Variants in DLEU7 observed in about 807,000 individuals in gnomAD.
DLEU7 encodes leukemia-associated protein 7.
Under a neutral mutation model 16.0 loss-of-function variants are expected in DLEU7, and 17 were observed. The ratio of observed to expected loss-of-function variants is 1.06; its 90% CI spans 0.73 to 1.59. DLEU7 has a LOEUF of 1.59. Among genes scored for constraint, DLEU7 ranks in the 40% most tolerant of loss-of-function variants. The probability of loss-of-function intolerance (pLI) is 0.00; values close to 1 mark genes in which losing one functional copy is unlikely to be tolerated. For missense variants in DLEU7, 308 were observed against 314.9 expected, an observed-to-expected ratio of 0.98 and a Z score of 0.17; for synonymous variants, 113 against 139.8, an observed-to-expected ratio of 0.81 and a Z score of 1.35.
intron 1 of DLEU7, among the ~76,000 whole-genome samples, chr13:50,733,315 G>T (rs993890391): frequency 6.6e-6 from 1 of 152,092 alleles, no homozygotes; most frequent in African/African-American, 2.4e-5. Context: ...TTAGATTATT[G>T]CACACAAACC....
rs1877766764 is a variant in DLEU7, at chr13:50,843,620, G to A, written c.27C>T (p.Ala9=). MASPAPLV[A]SISHQMVALQ... is the part of the protein sequence containing the mutation. ...GAGCCACCATTTGGTGGCTGATGGA[G>A]GCCACTAAGGGCGCAGGGCTGGCCA... The change falls in exon 1 of 2, where the codon GCC becomes GCT. Residue 9 remains alanine (A), a synonymous_variant. Transcript: ENST00000504404. This position sits in a 1 kb window ranked among gnomAD's most constrained non-coding sequence, Gnocchi z 5.7. 1.3e-6 allele frequency: 2 copies of A among 1,511,204 alleles called. No homozygotes were observed. The highest frequency in any genetic ancestry group is 1.8e-6 in the Non-Finnish European group (2 of 1,135,958). 93.6% of individuals were successfully genotyped at this position (1,511,204 alleles called of 1,614,324 possible).
At chr13:50,784,939 G>A (rs2137768493) in intron 1 of DLEU7, among the ~76,000 whole-genome samples, 1 of 152,212 alleles carries the variant, frequency 6.6e-6, no homozygotes, top group South Asian at 2.1e-4. Context: ...AGAGAGTCTG[G>A]GGACTTCTTG....
intron 1 of DLEU7, among the ~76,000 whole-genome samples, chr13:50,782,074 CTT>C (rs1593393777): frequency 6.6e-6 from 1 of 152,182 alleles, no homozygotes; most frequent in African/African-American, 2.4e-5. Context: ...CCCCAAAAAA[CTT>C]GGCTCAAATG....
chr13:50,839,231 A>G (rs1339917074), intron 1 of DLEU7, among the ~76,000 whole-genome samples: 1 of 152,254 alleles, frequency 6.6e-6, no homozygotes, highest in Non-Finnish European at 1.5e-5. Context: ...TCTTAGCTGC[A>G]GGGTCTTGAG....
At chr13:50,818,747 T>C (rs1194402696), downstream of DLEU7, among the ~76,000 whole-genome samples, 2 of 152,182 alleles carry the variant, frequency 1.3e-5, no homozygotes, top group Non-Finnish European at 2.9e-5. Flanking sequence ...GAGAATTTGC[T>C]TCTGGCCTCT....
At chr13:50,727,211 A>G (rs1011976471) in intron 1 of DLEU7, among the ~76,000 whole-genome samples, 6 of 138,918 alleles carry the variant, frequency 4.3e-5, no homozygotes, top group African/African-American at 9.0e-5. Flanking sequence ...ACGCTCTTGC[A>G]TACGTGTGTG....
At chr13:50,724,068 G>T (rs904085231) in intron 1 of DLEU7, among the ~76,000 whole-genome samples, 15 of 151,970 alleles carry the variant, frequency 9.9e-5, no homozygotes, top group African/African-American at 3.4e-4. Flanking sequence ...ATTTTTAAAA[G>T]AAAAAGATGT....
At chr13:50,762,599 A>G (rs1874970198) in intron 1 of DLEU7, among the ~76,000 whole-genome samples, 1 of 152,170 alleles carries the variant, frequency 6.6e-6, no homozygotes, top group Non-Finnish European at 1.5e-5. Flanking sequence ...CACAACTTTT[A>G]TGGGTGTCAA....
chr13:50,752,629 C>T (rs1395312783), intron 1 of DLEU7, among the ~76,000 whole-genome samples: 5 of 147,888 alleles, frequency 3.4e-5, no homozygotes, highest in South Asian at 2.2e-4. Context: ...GTGAAGCTGC[C>T]GACCTTCACG....
rs146857164 is a variant in DLEU7, at chr13:50,751,617, A to G, written c.460-38377T>C. 5.0e-3 allele frequency among the ~76,000 whole-genome samples: 763 copies of G among 152,276 alleles called. 4 individuals carry two copies. Among genetic ancestry groups the G allele is most frequent in the Non-Finnish European group, 8.0e-3 (541 of 68,016 alleles). On this transcript the variant is annotated intron_variant, in intron 1 of 1. Transcript: ENST00000400393. Reference sequence around the variant, plus strand: ...TACTGTTTGAATCTCACTGCTTGTTATTGGTCTGTTCACAGTAACTAATTC... The same window carrying G: ...TACTGTTTGAATCTCACTGCTTGTTGTTGGTCTGTTCACAGTAACTAATTC...
exon 2 of DLEU7, chr13:50,713,160 A>G (rs1873344377): frequency 4.4e-6 from 7 of 1,592,816 alleles, no homozygotes; most frequent in Non-Finnish European, 6.0e-6. Context: ...AGAATTTGGC[A>G]CTGGTTATTG....
rs868453076 is a variant in DLEU7 at position 50,793,106 on chromosome 13, G to A, written c.459+50082C>T. Among the ~76,000 whole-genome samples, 111 of 151,664 alleles carry A rather than the reference G, an allele frequency of 7.3e-4. 1 individual carries two copies. The highest frequency in any genetic ancestry group is 7.3e-5 in the African/African-American group (3 of 41,300). ...CATATGTACCCAATGTTTAGCTTCCGCTTACAAGTGAGAACATGCCATATT... is the reference window on the plus strand; with the variant it reads ...CATATGTACCCAATGTTTAGCTTCCACTTACAAGTGAGAACATGCCATATT... On this transcript the variant is annotated intron_variant, in intron 1 of 1. Transcript: ENST00000400393.
chr13:50,723,437 C>T (rs962768795), intron 1 of DLEU7, among the ~76,000 whole-genome samples: 2 of 151,958 alleles, frequency 1.3e-5, no homozygotes, highest in African/African-American at 2.4e-5. Context: ...CACACACACA[C>T]ACACACACGT....
intron 1 of DLEU7, among the ~76,000 whole-genome samples, chr13:50,793,122 ATGCCATATT>A (rs1333044674): frequency 3.3e-5 from 5 of 152,142 alleles, no homozygotes; most frequent in Admixed American, 6.5e-5. Context: ...AAGTGAGAAC[ATGCCATATT>A]TGGTTTTTTG....
chr13:50,836,520 A>G (rs1421245305), intron 1 of DLEU7, among the ~76,000 whole-genome samples: 3 of 152,054 alleles, frequency 2.0e-5, no homozygotes, highest in Non-Finnish European at 4.4e-5. Context: ...TATAAATACA[A>G]AAAGTTAGCC....
intron 1 of DLEU7, among the ~76,000 whole-genome samples, chr13:50,768,569 A>G (rs1875193186): frequency 6.6e-6 from 1 of 152,048 alleles, no homozygotes; most frequent in Admixed American, 6.5e-5. Context: ...TTTGCTCAGA[A>G]TGATGGTTTC....
intron 1 of DLEU7, among the ~76,000 whole-genome samples, chr13:50,724,983 C>T (rs1873727852): frequency 6.6e-6 from 1 of 152,164 alleles, no homozygotes; most frequent in Non-Finnish European, 1.5e-5. Context: ...GCCTTCCTAC[C>T]GCAGGTGTTC....
chr13:50,721,067 A>G (rs1359423768), intron 1 of DLEU7, among the ~76,000 whole-genome samples: 2 of 152,230 alleles, frequency 1.3e-5, no homozygotes, highest in African/African-American at 4.8e-5. Flanking sequence ...GTGAGTGGGC[A>G]CAATCTAATC....
intron 1 of DLEU7, among the ~76,000 whole-genome samples, chr13:50,806,171 T>A (rs1566257165): frequency 6.6e-6 from 1 of 152,208 alleles, no homozygotes; most frequent in African/African-American, 2.4e-5. Flanking sequence ...TTCCTAGTTT[T>A]ACAAAGGATA....
Sources: allele counts gnomAD v4.1 joint callset (sites outside exome capture counted in the v4.1 genomes callset), GRCh38; gene constraint gnomAD v4.1.1; non-coding constraint Gnocchi (gnomAD v3.1); transcripts MANE v1.5; gene names NCBI Gene and HGNC (gene_info 2026-07-23, HGNC 2026-07-21).